The following PTGES3 variants were observed in gnomAD, a reference collection of about 807,000 sequenced individuals.
PTGES3 encodes the protein prostaglandin E synthase 3, also known as Hsp90 co-chaperone.
In PTGES3, 5 loss-of-function variants were observed where a neutral mutation model predicts 29.9. The ratio of observed to expected loss-of-function variants is 0.17; its 90% CI spans 0.09 to 0.35. PTGES3 has a LOEUF of 0.35. Among genes scored for constraint, PTGES3 ranks in the 10% least tolerant of loss-of-function variants. PTGES3 has a pLI of 1.00. For missense variants in PTGES3, 128 were observed against 190.0 expected, an observed-to-expected ratio of 0.67 and a Z score of 1.92; for synonymous variants, 49 against 57.8, an observed-to-expected ratio of 0.85 and a Z score of 0.69.
intron 1 of PTGES3, chr12:56,687,398 G>C: frequency 1.0e-6 from 1 of 987,568 alleles, no homozygotes; most frequent in South Asian, 4.7e-5. Context: ...CTGGAGTTAG[G>C]AGGCGGACTG....
rs1472287097 is a variant in PTGES3, at chr12:56,663,798, C to G, written c.*681G>C. On this transcript the variant is annotated 3_prime_UTR_variant, in exon 8 of 8. Coordinates refer to ENST00000262033, the MANE Select transcript of PTGES3 (RefSeq NM_006601.7). ...AATCTGGACTAAATGTACAGACTCT[C>G]AAGCAACAATGTACAGCTTTCTTCG... 6.6e-6 allele frequency: 1 copy of G among 152,608 alleles called. No homozygotes were observed. Among genetic ancestry groups the G allele is most frequent in the Non-Finnish European group, 1.5e-5 (1 of 68,036 alleles). 9.5% of individuals were successfully genotyped at this position (152,608 alleles called of 1,614,324 possible). A position where few individuals can be genotyped will look rare whatever the true frequency, so the allele number is the denominator to read the frequency against.
rs113135616 is a variant in PTGES3 at position 56,672,682 on chromosome 12, C to G, written c.186+58G>C. The G allele has an allele frequency of 1.2e-5, 18 of 1,472,570 alleles. No homozygotes were observed. The African/African-American group carries it at 1.3e-4, about 10-fold the overall frequency. The allele number at this position is 1,472,570 out of a possible 1,614,324, so 91.2% of individuals were successfully genotyped here. A position where few individuals can be genotyped will look rare whatever the true frequency, so the allele number is the denominator to read the frequency against. On this transcript the variant is annotated intron_variant, in intron 3 of 7. Transcript: ENST00000262033. ...CTAATGCTCATTGCTAAAAAGAATACTTGGTATGTCTGTTTCCTCACAACT... is the reference window on the plus strand; with the variant it reads ...CTAATGCTCATTGCTAAAAAGAATAGTTGGTATGTCTGTTTCCTCACAACT...
intron 6 of PTGES3, 28 bp downstream of exon 6, chr12:56,666,176 A>C: frequency 6.3e-7 from 1 of 1,590,354 alleles, no homozygotes; most frequent in Non-Finnish European, 8.6e-7. Context: ...GTATGAAAGT[A>C]AACAGAAAAA....
intron 1 of PTGES3, among the ~76,000 whole-genome samples, chr12:56,676,948 A>AAAAAT (rs1952281711): frequency 6.9e-6 from 1 of 145,670 alleles, no homozygotes; most frequent in South Asian, 2.1e-4. Flanking sequence ...AAAAAAAAAT[A>AAAAAT]GTGCTGGCTA....
chr12:56,673,226 T>A (rs891418069), intron 1 of PTGES3, among the ~76,000 whole-genome samples, 161 bp from the exon 2 acceptor site: 1 of 152,082 alleles, frequency 6.6e-6, no homozygotes, highest in Non-Finnish European at 1.5e-5. Context: ...AGTTAAAACC[T>A]ATGGGTCTAA....
chr12:56,679,142 T>C (rs920940309), intron 1 of PTGES3, among the ~76,000 whole-genome samples: 3 of 151,938 alleles, frequency 2.0e-5, no homozygotes, highest in South Asian at 2.1e-4. Flanking sequence ...CCAGGAGTGA[T>C]GGCTCACATC....
chr12:56,685,770 C>G (rs1288221587), intron 1 of PTGES3, among the ~76,000 whole-genome samples: 1 of 71,898 alleles, frequency 1.4e-5, no homozygotes, highest in South Asian at 4.9e-4. Context: ...GCTACACTTA[C>G]TTTTTTTTTT....
intron 1 of PTGES3, chr12:56,687,254 A>C: frequency 9.9e-7 from 1 of 1,009,784 alleles, no homozygotes; most frequent in South Asian, 4.7e-5. Context: ...CCTCACCTCA[A>C]GTAGAACATG....
In PTGES3 at chr12:56,666,389, A is replaced by G; in HGVS notation, c.376-123T>C. On this transcript the variant is annotated intron_variant, in intron 5 of 7. Transcript: ENST00000262033. ...ATATCAAAAAATGCAAAATGCAAATATAAGCATCTTTCCCTTCTGGAAAAG... is the reference window on the plus strand; with the variant it reads ...ATATCAAAAAATGCAAAATGCAAATGTAAGCATCTTTCCCTTCTGGAAAAG... 2.5e-6 allele frequency: 3 copies of G among 1,176,928 alleles called. No homozygotes were observed. The South Asian group carries it at 6.2e-5, about 24-fold the overall frequency. The allele number at this position is 1,176,928 out of a possible 1,614,324, so 72.9% of individuals were successfully genotyped here. A position where few individuals can be genotyped will look rare whatever the true frequency, so the allele number is the denominator to read the frequency against.
In PTGES3 at chr12:56,676,231, C is replaced by CAAA. The variant is rs149558664; in HGVS notation, c.3-3167_3-3166insTTT. Reference sequence around the variant, plus strand: ...ACAGAGAGAGGCTGTGTCTCCCCCCCCAAAAAAAAAAAAAAAGCCAAAATA... The same window carrying CAAA: ...ACAGAGAGAGGCTGTGTCTCCCCCCCAAACAAAAAAAAAAAAAAAGCCAAAATA... On this transcript the variant is annotated intron_variant, in intron 1 of 7. Transcript: ENST00000262033. 3.5e-3 allele frequency among the ~76,000 whole-genome samples: 432 copies of CAAA among 122,822 alleles called. 4 individuals are homozygous for CAAA. The highest frequency in any genetic ancestry group is 9.2e-3 in the African/African-American group (284 of 31,002). 80.6% of individuals were successfully genotyped at this position (122,822 alleles called of 152,430 possible).
intron 1 of PTGES3, among the ~76,000 whole-genome samples, chr12:56,678,575 A>T (rs1040260488): frequency 1.6e-4 from 25 of 152,172 alleles, no homozygotes; most frequent in Non-Finnish European, 2.8e-4. Flanking sequence ...GTTTCCATCT[A>T]GCTTCTTTGG....
intron 1 of PTGES3, among the ~76,000 whole-genome samples, chr12:56,682,989 G>A (rs1173891143): frequency 8.7e-5 from 13 of 149,278 alleles, no homozygotes; most frequent in Non-Finnish European, 1.8e-4. Context: ...ATGAGACTCC[G>A]CCTCAAGAAA....
chr12:56,664,896 A>G (rs552983657), intron 6 of PTGES3, 96 bp from the exon 7 acceptor site: 17 of 1,532,254 alleles, frequency 1.1e-5, no homozygotes, highest in South Asian at 5.0e-5. Flanking sequence ...ATTTTTGACT[A>G]AAGTAGCACA....
intron 4 of PTGES3, chr12:56,670,616 G>A (rs537015152): frequency 5.2e-5 from 21 of 400,030 alleles, no homozygotes; most frequent in Middle Eastern, 7.2e-4. Context: ...GGACAACACC[G>A]TACTGATGTT....
chr12:56,681,859 A>T (rs867079499), intron 1 of PTGES3, among the ~76,000 whole-genome samples: 2 of 151,730 alleles, frequency 1.3e-5, no homozygotes, highest in Non-Finnish European at 1.5e-5. Context: ...TCCATCTCAA[A>T]AAAAAAGAGT....
chr12:56,677,757 G>A (rs190277888), intron 1 of PTGES3, among the ~76,000 whole-genome samples: 27 of 152,030 alleles, frequency 1.8e-4, no homozygotes, highest in Admixed American at 1.5e-3. Context: ...TAATGGAGGG[G>A]TTTGCAGTAC....
chr12:56,671,657 A>C, intron 4 of PTGES3, 92 bp downstream of exon 4: 1 of 736,306 alleles, frequency 1.4e-6, no homozygotes, highest in Non-Finnish European at 2.1e-6. Context: ...GTGAAACAAA[A>C]ACACAGCCAT....
Position 56,683,018 on chromosome 12 carries a change from G to A in PTGES3, c.2+4980C>T, listed in dbSNP as rs1453909253. The stretch of plus-strand genomic sequence containing the variant: ...CAAGAAAAAAAAAAAAATTTACAAA[G>A]GTATACCGAGGAAGCAGGGAAGCAG... On this transcript the variant is annotated intron_variant, in intron 1 of 7. Transcript: ENST00000262033. Among the ~76,000 whole-genome samples, 5 of 151,582 alleles carry A rather than the reference G, an allele frequency of 3.3e-5. No homozygotes were observed. In the East Asian group the frequency reaches 9.7e-4, roughly 29 times the overall value.
At chr12:56,671,546 G>A (rs1485929119) in intron 4 of PTGES3, among the ~76,000 whole-genome samples, 2 of 152,108 alleles carry the variant, frequency 1.3e-5, no homozygotes, top group Non-Finnish European at 2.9e-5. Context: ...TGTCTCTTAA[G>A]TACAAAAGAT....
Sources: gnomAD v4.1 joint callset for allele counts (sites outside exome capture counted in the v4.1 genomes callset) on GRCh38, gnomAD v4.1.1 for gene constraint, MANE v1.5 for transcripts, NCBI Gene and HGNC (gene_info 2026-07-23, HGNC 2026-07-21) for gene names.